CGNL1: variants seen among roughly 807,000 people sequenced by gnomAD.
CGNL1 encodes the protein cingulin like 1, also known as cingulin-like protein 1.
In CGNL1, 132 loss-of-function variants were observed where a neutral mutation model predicts 141.2. That is an observed-to-expected ratio of 0.93 (90% CI 0.81 to 1.08). The LOEUF is 1.08. CGNL1 is among the 50% of genes least tolerant of loss of function. CGNL1 has a pLI of 0.00. For synonymous variants in CGNL1, 690 were observed against 622.1 expected (o/e 1.11, Z -1.63); for missense variants, 1,870 against 1,588.6 (o/e 1.18, Z -3.01).
intron 8 of CGNL1, among the ~76,000 whole-genome samples, chr15:57,485,100 A>G (rs1199141421): frequency 6.6e-6 from 1 of 152,010 alleles, no homozygotes; most frequent in Non-Finnish European, 1.5e-5. Context: ...ATTTAATGCC[A>G]TATATTTTAT....
At chr15:57,536,890 C>A (rs1278318479) in intron 14 of CGNL1, among the ~76,000 whole-genome samples, 1 of 152,176 alleles carries the variant, frequency 6.6e-6, no homozygotes, top group African/African-American at 2.4e-5. Context: ...ATGTCATGGT[C>A]TTAAAGACCA....
intron 7 of CGNL1, among the ~76,000 whole-genome samples, chr15:57,454,075 A>C (rs1400705637): frequency 6.6e-6 from 1 of 152,108 alleles, no homozygotes; most frequent in East Asian, 1.9e-4. Context: ...ACATGTATGA[A>C]ATTATTAGCA....
At chr15:57,464,670 TTTTCCTTTCCTTTCCTTTCC>T (rs200160698) in intron 8 of CGNL1, among the ~76,000 whole-genome samples, 1,174 of 111,768 alleles carry the variant, frequency 0.011, 12 homozygotes, top group African/African-American at 0.028. Flanking sequence ...CTGCGGTTTC[TTTTCCTTTCCTTTCCTTTCC>T]TTTCCTTTCC....
At chr15:57,529,622 T>C (rs2031843435) in intron 13 of CGNL1, among the ~76,000 whole-genome samples, 1 of 138,842 alleles carries the variant, frequency 7.2e-6, no homozygotes, top group African/African-American at 2.8e-5. Flanking sequence ...CCCAGTAGAA[T>C]TTAGAGAGAG....
At chr15:57,412,993 T>C (rs1280895856) in intron 1 of CGNL1, among the ~76,000 whole-genome samples, 1 of 152,100 alleles carries the variant, frequency 6.6e-6, no homozygotes, top group Admixed American at 6.6e-5. Flanking sequence ...CCTGAGTAGC[T>C]GGGATGACAG....
In CGNL1 at chr15:57,519,480, G is replaced by A. The variant is rs145297407; in HGVS notation, c.2715+983G>A. ...GATTCCCACAGGTCAGCCTAGCTTG[G>A]GGACTCTCCCCCAAAATCAGAAGCC... On this transcript the variant is annotated intron_variant, in intron 10 of 18. Transcript: ENST00000281282. Among the ~76,000 whole-genome samples, 418 of 152,252 alleles carry A rather than the reference G, an allele frequency of 2.7e-3. 3 individuals are homozygous for A. The highest frequency in any genetic ancestry group is 9.3e-3 in the African/African-American group (387 of 41,536).
chr15:57,486,380 G>T (rs1231667434), intron 8 of CGNL1, among the ~76,000 whole-genome samples: 1 of 151,776 alleles, frequency 6.6e-6, no homozygotes, highest in East Asian at 1.9e-4. Context: ...AAGGAAGAGG[G>T]GGTCAAATAA....
At chr15:57,487,807 A>T (rs182022514) in intron 8 of CGNL1, among the ~76,000 whole-genome samples, 34 of 152,328 alleles carry the variant, frequency 2.2e-4, no homozygotes, top group African/African-American at 8.2e-4. Context: ...GGAGAAAAAA[A>T]CCTTTAGATT....
chr15:57,521,247 G>A (rs796606096), intron 10 of CGNL1, among the ~76,000 whole-genome samples: 2 of 152,274 alleles, frequency 1.3e-5, no homozygotes, highest in South Asian at 4.2e-4. Flanking sequence ...AATTATGGAG[G>A]AGGAAGACCG....
chr15:57,515,570 T>G (rs1179353054), intron 8 of CGNL1, among the ~76,000 whole-genome samples: 2 of 152,136 alleles, frequency 1.3e-5, no homozygotes, highest in Admixed American at 6.5e-5. Flanking sequence ...GGCATCTTTG[T>G]AGTAGTGGAG....
intron 1 of CGNL1, among the ~76,000 whole-genome samples, chr15:57,383,918 C>T (rs1466994675): frequency 6.6e-6 from 1 of 152,100 alleles, no homozygotes; most frequent in Non-Finnish European, 1.5e-5. Context: ...AGATTACAGG[C>T]GTGAGCCACC....
intron 8 of CGNL1, among the ~76,000 whole-genome samples, chr15:57,465,994 G>A (rs903943292): frequency 3.3e-5 from 5 of 152,214 alleles, no homozygotes; most frequent in African/African-American, 1.2e-4. Flanking sequence ...TCAGTGGATG[G>A]AATTCATGAA....
At chr15:57,433,848 G>C (rs2063073451) in intron 1 of CGNL1, among the ~76,000 whole-genome samples, 1 of 151,962 alleles carries the variant, frequency 6.6e-6, no homozygotes, top group Non-Finnish European at 1.5e-5. Context: ...TGAAGTGGAA[G>C]ACTTTCCTTG....
intron 8 of CGNL1, among the ~76,000 whole-genome samples, chr15:57,493,479 G>A (rs2063895281): frequency 6.6e-6 from 1 of 152,124 alleles, no homozygotes; most frequent in South Asian, 2.1e-4. Flanking sequence ...GACAGCCCAA[G>A]TACAATATGG....
chr15:57,498,193 G>A (rs2932198), intron 8 of CGNL1, among the ~76,000 whole-genome samples: 51,139 of 149,206 alleles, frequency 0.34, 9,231 homozygotes, highest in Middle Eastern at 0.42. Context: ...GTCTTGTGTT[G>A]TGCTTTGTTT....
In CGNL1 at chr15:57,453,732, G is replaced by T. The variant is rs2063347332; in HGVS notation, c.2104G>T (p.Asp702Tyr). 35 of 1,613,984 alleles carry T rather than the reference G, an allele frequency of 2.2e-5. No individual in the cohort carries two copies. The highest frequency in any genetic ancestry group is 3.0e-5 in the Non-Finnish European group (35 of 1,179,944). Residue 702 changes from aspartate (D) to tyrosine (Y), a missense_variant, in exon 7 of 19, where the codon GAT (aspartate) becomes TAT (tyrosine). Transcript: ENST00000281282. ...GGAGCAGCATCAGACTGAGATCAGGGATCTCCAGGACCAGCTCTCAGAAAT... is the reference window on the plus strand; with the variant it reads ...GGAGCAGCATCAGACTGAGATCAGGTATCTCCAGGACCAGCTCTCAGAAAT... The part of the protein sequence containing the change: ...EREQHQTEIR[D>Y]LQDQLSEMHD...
intron 8 of CGNL1, among the ~76,000 whole-genome samples, chr15:57,509,627 T>G (rs1232093125): frequency 6.6e-6 from 1 of 152,212 alleles, no homozygotes; most frequent in African/African-American, 2.4e-5. Flanking sequence ...GTGTGAACAC[T>G]TCTAAATGTG....
intron 11 of CGNL1, among the ~76,000 whole-genome samples, chr15:57,523,909 A>G (rs2031439252): frequency 6.6e-6 from 1 of 152,222 alleles, no homozygotes; most frequent in Admixed American, 6.5e-5. Context: ...GTCAGTGCAG[A>G]TGGAACCAAT....
At chr15:57,545,941 A>C in intron 17 of CGNL1, 135 bp from the exon 18 acceptor site, 1 of 1,017,308 alleles carries the variant, frequency 9.8e-7, no homozygotes, top group Non-Finnish European at 1.4e-6. Flanking sequence ...CCTGCTCTCC[A>C]TGTTTCCCAA....
Sources: gnomAD v4.1 joint callset for allele counts (sites outside exome capture counted in the v4.1 genomes callset) on GRCh38, gnomAD v4.1.1 for gene constraint, MANE v1.5 for transcripts, NCBI Gene and HGNC (gene_info 2026-07-23, HGNC 2026-07-21) for gene names.